The following CNTLN variants were observed in gnomAD, a reference collection of about 807,000 sequenced individuals.
CNTLN encodes the protein centlein.
A neutral mutation model predicts 180.0 loss-of-function variants in CNTLN; 212 were observed. That is an observed-to-expected ratio of 1.18 (90% CI 1.05 to 1.32). The LOEUF is 1.32. Ranked by LOEUF, CNTLN falls within the 40% of genes most tolerant of loss-of-function variation. The pLI, the probability that CNTLN is intolerant of heterozygous loss-of-function variation, is 0.00. For missense variants in CNTLN, 2,095 were observed against 1,610.9 expected, an observed-to-expected ratio of 1.30 and a Z score of -5.14; for synonymous variants, 722 against 563.1, an observed-to-expected ratio of 1.28 and a Z score of -3.99.
intron 2 of CNTLN, among the ~76,000 whole-genome samples, chr9:17,202,680 C>G (rs1383423826): frequency 9.8e-6 from 1 of 101,856 alleles, no homozygotes; most frequent in East Asian, 3.7e-4. Flanking sequence ...TGTTGCTTTC[C>G]ATTTGCTTGG....
intron 8 of CNTLN, among the ~76,000 whole-genome samples, chr9:17,323,782 C>A (rs1340132014): frequency 6.6e-6 from 1 of 152,126 alleles, no homozygotes; most frequent in African/African-American, 2.4e-5. Context: ...AAAATGTGAA[C>A]AAAATCTTCT....
intron 21 of CNTLN, among the ~76,000 whole-genome samples, 193 bp from the exon 22 acceptor site, chr9:17,465,788 T>A (rs979919057): frequency 6.6e-6 from 1 of 151,260 alleles, no homozygotes; most frequent in African/African-American, 2.4e-5. Flanking sequence ...AATTTTAGTT[T>A]TTGTTACTGA....
intron 6 of CNTLN, among the ~76,000 whole-genome samples, chr9:17,295,711 A>T (rs1279388324): frequency 6.6e-6 from 1 of 152,016 alleles, no homozygotes; most frequent in Non-Finnish European, 1.5e-5. Flanking sequence ...GCTGGTTCAG[A>T]TGTGTGAGTT....
chr9:17,273,669 CAG>C (rs1295098935), intron 5 of CNTLN, 62 bp from the exon 6 acceptor site: 9 of 789,696 alleles, frequency 1.1e-5, no homozygotes, highest in East Asian at 3.0e-5. Context: ...TTAAATATAA[CAG>C]ATGTTTTGTT....
chr9:17,264,331 T>C (rs1587398002), intron 5 of CNTLN, among the ~76,000 whole-genome samples: 1 of 151,404 alleles, frequency 6.6e-6, no homozygotes, highest in South Asian at 2.1e-4. Flanking sequence ...TTTTCTCAGG[T>C]TTGTCAAAGA....
At chr9:17,272,363 C>G in intron 5 of CNTLN, among the ~76,000 whole-genome samples, 1 of 152,158 alleles carries the variant, frequency 6.6e-6, no homozygotes, top group East Asian at 1.9e-4. Flanking sequence ...GCGTGAGTCA[C>G]TGCGCCTGGC....
chr9:17,500,090 G>A (rs569124020), intron 25 of CNTLN, among the ~76,000 whole-genome samples: 2 of 152,270 alleles, frequency 1.3e-5, no homozygotes, highest in South Asian at 4.1e-4. Context: ...CACATACTCT[G>A]CATTTTGATT....
intron 18 of CNTLN, among the ~76,000 whole-genome samples, chr9:17,441,841 A>G (rs1197051881): frequency 1.3e-5 from 2 of 152,188 alleles, no homozygotes; most frequent in East Asian, 3.8e-4. Context: ...CTTATAGTGA[A>G]GGGATGGAAA....
chr9:17,459,661 A>G (rs1224538416), intron 19 of CNTLN, among the ~76,000 whole-genome samples: 1 of 151,776 alleles, frequency 6.6e-6, no homozygotes, highest in Non-Finnish European at 1.5e-5. Context: ...CTGGAAGTCT[A>G]AGATCAAGGT....
intron 3 of CNTLN, among the ~76,000 whole-genome samples, chr9:17,231,447 G>A (rs150027366): frequency 1.3e-5 from 2 of 151,742 alleles, no homozygotes; most frequent in Non-Finnish European, 2.9e-5. Flanking sequence ...CTATGTTTTA[G>A]CTTTGTCACT....
chr9:17,235,012 A>G (rs1377534363), intron 3 of CNTLN, among the ~76,000 whole-genome samples: 1 of 152,194 alleles, frequency 6.6e-6, no homozygotes, highest in East Asian at 1.9e-4. Context: ...AGGAAAGATC[A>G]GCAGCCAAGA....
At chr9:17,193,969 G>T (rs761886852) in intron 2 of CNTLN, among the ~76,000 whole-genome samples, 2 of 152,206 alleles carry the variant, frequency 1.3e-5, no homozygotes, top group Admixed American at 1.3e-4. Flanking sequence ...AGCTGCCAAG[G>T]CTTGGGGCTT....
chr9:17,364,576 T>G (rs1163912174), intron 12 of CNTLN, among the ~76,000 whole-genome samples: 2 of 152,222 alleles, frequency 1.3e-5, no homozygotes, highest in African/African-American at 4.8e-5. Context: ...GAAAGTAATT[T>G]TGATTATTCT....
chr9:17,416,799 T>C (rs535046527), intron 18 of CNTLN, among the ~76,000 whole-genome samples: 1 of 152,258 alleles, frequency 6.6e-6, no homozygotes, highest in South Asian at 2.1e-4. Context: ...AGAAAAGATT[T>C]TTTGTTCTTT....
chr9:17,272,097 C>G (rs1186334649), intron 5 of CNTLN, among the ~76,000 whole-genome samples: 1 of 136,432 alleles, frequency 7.3e-6, no homozygotes, highest in African/African-American at 2.7e-5. Context: ...CCTTTCTTTC[C>G]CTCCCTCCCT....
At chr9:17,370,861 C>G (rs954691724) in intron 13 of CNTLN, among the ~76,000 whole-genome samples, 1 of 151,940 alleles carries the variant, frequency 6.6e-6, no homozygotes, top group Non-Finnish European at 1.5e-5. Context: ...TGTTGTTAAT[C>G]CAGTTAAAAT....
chr9:17,215,469 G>T (rs1366666271), intron 2 of CNTLN, among the ~76,000 whole-genome samples: 1 of 146,018 alleles, frequency 6.8e-6, no homozygotes, highest in Non-Finnish European at 1.5e-5. Flanking sequence ...CCTACTAGGG[G>T]GTGCCTCCCA....
intron 13 of CNTLN, among the ~76,000 whole-genome samples, chr9:17,369,996 A>G (rs1352532621): frequency 1.3e-5 from 2 of 152,030 alleles, no homozygotes; most frequent in Non-Finnish European, 2.9e-5. Context: ...GAAAAAAAAA[A>G]AAAAGAAAAT....
intron 18 of CNTLN, among the ~76,000 whole-genome samples, chr9:17,440,555 C>T (rs371755808): frequency 1.2e-3 from 172 of 148,920 alleles, no homozygotes; most frequent in African/African-American, 4.0e-3. Flanking sequence ...CACCACTGAA[C>T]TCCAGCCTGG....
Sources: gnomAD v4.1 joint callset for allele counts (sites outside exome capture counted in the v4.1 genomes callset) on GRCh38, gnomAD v4.1.1 for gene constraint, MANE v1.5 for transcripts, NCBI Gene and HGNC (gene_info 2026-07-23, HGNC 2026-07-21) for gene names.